The following MGAT5 variants were observed in gnomAD, a reference collection of about 807,000 sequenced individuals.
MGAT5 encodes the protein alpha-1,6-mannosylglycoprotein 6-beta-N-acetylglucosaminyltransferase A.
A neutral mutation model predicts 94.3 loss-of-function variants in MGAT5; 30 were observed. The observed-to-expected ratio is 0.32, with a 90% CI of 0.24 to 0.43. The LOEUF (loss-of-function observed/expected upper bound fraction) is 0.43, where lower values mean the gene tolerates loss of function less well. MGAT5 is among the 20% of genes least tolerant of loss of function. MGAT5 has a pLI of 1.00. For synonymous variants in MGAT5, 310 were observed against 322.9 expected, an observed-to-expected ratio of 0.96 and a Z score of 0.43; for missense variants, 691 against 905.5, an observed-to-expected ratio of 0.76 and a Z score of 3.04.
chr2:134,311,946 T>C (rs1686697629), intron 2 of MGAT5, among the ~76,000 whole-genome samples: 1 of 152,192 alleles, frequency 6.6e-6, no homozygotes, highest in Non-Finnish European at 1.5e-5. Context: ...AGTTAACAAA[T>C]GATTCATTAA....
intron 1 of MGAT5, among the ~76,000 whole-genome samples, chr2:134,139,866 G>A (rs1189212940): frequency 6.6e-6 from 1 of 152,144 alleles, no homozygotes; most frequent in Non-Finnish European, 1.5e-5. Context: ...GCAGAGGGAG[G>A]GGTGCTGGTT....
At chr2:134,130,976 A>G (rs1328091893) in intron 1 of MGAT5, among the ~76,000 whole-genome samples, 2 of 152,242 alleles carry the variant, frequency 1.3e-5, no homozygotes, top group East Asian at 1.9e-4. Flanking sequence ...ATAAGGGAAT[A>G]AAAGCAGGCT....
intron 4 of MGAT5, among the ~76,000 whole-genome samples, chr2:134,323,834 T>A (rs992679077): frequency 2.6e-5 from 4 of 152,154 alleles, no homozygotes; most frequent in Non-Finnish European, 4.4e-5. Flanking sequence ...GTGGTAGGAA[T>A]GAGCAAATGA....
At chr2:134,251,359 C>CGGAGT (rs1682581975), upstream of MGAT5, among the ~76,000 whole-genome samples, 1 of 152,146 alleles carries the variant, frequency 6.6e-6, no homozygotes, top group Non-Finnish European at 1.5e-5. Flanking sequence ...TGGCGCGGAG[C>CGGAGT]GGAGTGGAGG....
intron 14 of MGAT5, among the ~76,000 whole-genome samples, chr2:134,435,865 A>T (rs1164085265): frequency 6.6e-6 from 1 of 152,232 alleles, no homozygotes; most frequent in Non-Finnish European, 1.5e-5. Flanking sequence ...TTGCAGTTGA[A>T]TGAAACAGAG....
chr2:134,288,921 C>G (rs148545782), intron 2 of MGAT5, among the ~76,000 whole-genome samples: 3 of 152,184 alleles, frequency 2.0e-5, no homozygotes, highest in Non-Finnish European at 4.4e-5. Flanking sequence ...TCACTGTTTT[C>G]ACAGCATTGT....
At chr2:134,199,958 TAAA>T (rs1343353376) in intron 1 of MGAT5, among the ~76,000 whole-genome samples, 1 of 151,908 alleles carries the variant, frequency 6.6e-6, no homozygotes, top group African/African-American at 2.4e-5. Context: ...AGTGAAAAAA[TAAA>T]ACCCACAAAC....
At chr2:134,274,274 T>G (rs1480315329) in intron 2 of MGAT5, among the ~76,000 whole-genome samples, 1 of 152,232 alleles carries the variant, frequency 6.6e-6, no homozygotes, top group African/African-American at 2.4e-5. Flanking sequence ...GGAACAGCAT[T>G]TGGTTTCACC....
chr2:134,145,871 C>T (rs1276296292), intron 1 of MGAT5, among the ~76,000 whole-genome samples: 1 of 152,194 alleles, frequency 6.6e-6, no homozygotes, highest in Non-Finnish European at 1.5e-5. Context: ...ACACCTTCCC[C>T]CAACCCCCAA....
At chr2:134,308,694 G>C (rs542861038) in intron 2 of MGAT5, among the ~76,000 whole-genome samples, 6 of 152,244 alleles carry the variant, frequency 3.9e-5, no homozygotes, top group African/African-American at 1.4e-4. Flanking sequence ...CAGCTTTATT[G>C]AGATAATTTA....
intron 1 of MGAT5, among the ~76,000 whole-genome samples, chr2:134,267,748 GGCTCATGTTCTGTTA>G (rs1366299901): frequency 1.3e-5 from 2 of 152,206 alleles, no homozygotes; most frequent in Non-Finnish European, 2.9e-5. Context: ...CATCAGCATT[GGCTCATGTTCTGTTA>G]GCTCCCCCAT....
chr2:134,275,186 T>A (rs1384198710), intron 2 of MGAT5, among the ~76,000 whole-genome samples: 1 of 152,180 alleles, frequency 6.6e-6, no homozygotes, highest in Admixed American at 6.5e-5. Context: ...GTCAGTGAGA[T>A]CCCAGATGCT....
chr2:134,146,124 A>G (rs934396655), intron 1 of MGAT5, among the ~76,000 whole-genome samples: 4 of 152,184 alleles, frequency 2.6e-5, no homozygotes, highest in Admixed American at 6.5e-5. Context: ...TAACTCATTC[A>G]TTATGAGCCT....
intron 1 of MGAT5, among the ~76,000 whole-genome samples, chr2:134,146,075 G>T (rs1686904085): frequency 6.6e-6 from 1 of 152,024 alleles, no homozygotes; most frequent in East Asian, 1.9e-4. Context: ...AGAGTTTTGG[G>T]CATTCTTAGT....
rs746984897 is a variant in MGAT5, at chr2:134,260,702, C to CTTTTCTTT, written c.241+6062_241+6063insCTTTTTTT. On this transcript the variant is annotated intron_variant, in intron 1 of 15. Transcript: ENST00000281923. Reference sequence around the variant, plus strand: ...TAGGAATGGTTTCTTTTTTCTTTTTCTTTTTTTTTTTTTTTTGAGGGCTGG... The same window carrying CTTTTCTTT: ...TAGGAATGGTTTCTTTTTTCTTTTTCTTTTCTTTTTTTTTTTTTTTTTTTGAGGGCTGG... 3.9e-5 allele frequency among the ~76,000 whole-genome samples: 5 copies of CTTTTCTTT among 127,062 alleles called. 1 individual carries two copies. The highest frequency in any genetic ancestry group is 1.6e-4 in the Admixed American group (2 of 12,758). 83.4% of individuals were successfully genotyped at this position (127,062 alleles called of 152,430 possible).
chr2:134,413,733 G>A (rs1683804078), intron 12 of MGAT5, among the ~76,000 whole-genome samples: 1 of 152,220 alleles, frequency 6.6e-6, no homozygotes, highest in Non-Finnish European at 1.5e-5. Context: ...TTTCTATGTA[G>A]TTAGTAGTAA....
intron 1 of MGAT5, among the ~76,000 whole-genome samples, chr2:134,131,587 T>A (rs1465142143): frequency 6.8e-6 from 1 of 147,476 alleles, no homozygotes; most frequent in Non-Finnish European, 1.5e-5. Context: ...TTTTTTTTTT[T>A]TTTTTTTTTT....
intron 1 of MGAT5, among the ~76,000 whole-genome samples, chr2:134,131,228 C>A (rs1205309063): frequency 2.0e-5 from 3 of 152,178 alleles, no homozygotes; most frequent in African/African-American, 7.2e-5. Flanking sequence ...TCCGGTCACG[C>A]TGCCTTTAAG....
intron 1 of MGAT5, among the ~76,000 whole-genome samples, chr2:134,131,030 T>C (rs1006610283): frequency 2.0e-5 from 3 of 152,198 alleles, no homozygotes; most frequent in Non-Finnish European, 2.9e-5. Context: ...CCTTCCATAG[T>C]GTGGAAGCTT....
Sources: gnomAD v4.1 joint callset for allele counts (sites outside exome capture counted in the v4.1 genomes callset) on GRCh38, gnomAD v4.1.1 for gene constraint, MANE v1.5 for transcripts, NCBI Gene and HGNC (gene_info 2026-07-23, HGNC 2026-07-21) for gene names.